ADARB2: variants seen among roughly 807,000 people sequenced by gnomAD.
ADARB2 encodes the protein inactive double-stranded RNA-specific editase B2.
In ADARB2, 25 loss-of-function variants were observed where a neutral mutation model predicts 62.2. The ratio of observed to expected loss-of-function variants is 0.40; its 90% CI spans 0.29 to 0.56. The LOEUF is 0.56. Ranked by LOEUF, ADARB2 falls within the 20% of genes least tolerant of loss-of-function variation. ADARB2 has a pLI of 0.43. For missense variants in ADARB2, 1,071 were observed against 1,077.4 expected (o/e 0.99, Z 0.08); for synonymous variants, 572 against 500.8 (o/e 1.14, Z -1.90).
chr10:1,324,065 CAATT>C (rs376733473), intron 3 of ADARB2, among the ~76,000 whole-genome samples: 57 of 152,252 alleles, frequency 3.7e-4, no homozygotes, highest in Middle Eastern at 3.4e-3. Context: ...CAAAAACAAA[CAATT>C]AAATCAGAAA....
intron 1 of ADARB2, among the ~76,000 whole-genome samples, chr10:1,490,892 C>G (rs956186211): frequency 1.3e-5 from 2 of 152,184 alleles, no homozygotes; most frequent in Non-Finnish European, 2.9e-5. Flanking sequence ...CATACGTCAG[C>G]AGATAGGATG....
chr10:1,593,331 G>GT (rs1833287270), intron 1 of ADARB2, among the ~76,000 whole-genome samples: 1 of 93,288 alleles, frequency 1.1e-5, no homozygotes, highest in Non-Finnish European at 2.2e-5. Context: ...CAGCTCCCCT[G>GT]GCCCAAACCA....
At chr10:1,635,060 G>A (rs1035947084) in intron 1 of ADARB2, among the ~76,000 whole-genome samples, 3 of 152,184 alleles carry the variant, frequency 2.0e-5, no homozygotes, top group African/African-American at 7.2e-5. Context: ...TAAAGTAAGT[G>A]TATTTGTGAA....
chr10:1,476,489 C>G lies in ADARB2; in HGVS notation c.101-97329G>C, dbSNP rs561988447. Among the ~76,000 whole-genome samples, 512 of 152,314 alleles carry G rather than the reference C, an allele frequency of 3.4e-3. 1 individual carries two copies. Among genetic ancestry groups the G allele is most frequent in the Middle Eastern group, 0.01 (3 of 294 alleles). ...GATAAATTCCAGGCTCCTGAAGACG[C>G]CTGGGCTGCCTGATTGACAGCCCAG... On this transcript the variant is annotated intron_variant, in intron 1 of 9. Coordinates refer to ENST00000381312, the MANE Select transcript of ADARB2 (RefSeq NM_018702.4).
chr10:1,433,629 A>G (rs747742880), intron 1 of ADARB2, among the ~76,000 whole-genome samples: 8 of 151,964 alleles, frequency 5.3e-5, no homozygotes, highest in Non-Finnish European at 1.0e-4. Flanking sequence ...ACTTTGTCCA[A>G]CCCTGAGCCT....
At chr10:1,708,862 A>C (rs1834920999) in intron 1 of ADARB2, among the ~76,000 whole-genome samples, 1 of 152,066 alleles carries the variant, frequency 6.6e-6, no homozygotes, top group African/African-American at 2.4e-5. Flanking sequence ...TGCAAGCCAC[A>C]CCTGTGAACA....
At chr10:1,224,794 T>G (rs1830729778) in intron 6 of ADARB2, among the ~76,000 whole-genome samples, 1 of 152,226 alleles carries the variant, frequency 6.6e-6, no homozygotes, top group African/African-American at 2.4e-5. Context: ...TTTGTTATAA[T>G]TTCGGTTCTT....
intron 1 of ADARB2, among the ~76,000 whole-genome samples, chr10:1,651,419 C>T (rs1032751154): frequency 6.6e-6 from 1 of 152,230 alleles, no homozygotes; most frequent in African/African-American, 2.4e-5. Flanking sequence ...CTGCAAGCCA[C>T]ACCGCAGTGG....
chr10:1,627,937 AC>A (rs1246104911), intron 1 of ADARB2, among the ~76,000 whole-genome samples: 1 of 151,892 alleles, frequency 6.6e-6, no homozygotes, highest in African/African-American at 2.4e-5. Flanking sequence ...CCCCAGCATC[AC>A]CCCTCCTCCA....
intron 1 of ADARB2, among the ~76,000 whole-genome samples, chr10:1,515,116 C>T (rs753254819): frequency 1.3e-5 from 2 of 152,064 alleles, no homozygotes; most frequent in Admixed American, 6.5e-5. Context: ...GTTGCAGCAG[C>T]GATAGTGCAA....
chr10:1,554,318 A>T (rs1832670706), intron 1 of ADARB2, among the ~76,000 whole-genome samples: 2 of 152,140 alleles, frequency 1.3e-5, no homozygotes, highest in Non-Finnish European at 2.9e-5. Context: ...GGCCCATGGA[A>T]TCATCTCCTA....
intron 1 of ADARB2, among the ~76,000 whole-genome samples, chr10:1,698,799 G>A (rs1173767546): frequency 2.6e-5 from 4 of 152,218 alleles, no homozygotes; most frequent in Admixed American, 6.5e-5. Context: ...TTGCTCTGTC[G>A]CTCAGGCTGG....
intron 1 of ADARB2, among the ~76,000 whole-genome samples, chr10:1,506,478 C>A (rs950893092): frequency 6.6e-6 from 1 of 152,206 alleles, no homozygotes; most frequent in Non-Finnish European, 1.5e-5. Flanking sequence ...CAAAACTCTG[C>A]AGCGCTTTTC....
rs890049999 is a variant in ADARB2, at chr10:1,306,914, C to T, written c.1078-35845G>A. Reference sequence around the variant, plus strand: ...CTGAAACTGGATCCCTTCCTTACACCTTATACAAAAATCAATTCAAGATGG... The same window carrying T: ...CTGAAACTGGATCCCTTCCTTACACTTTATACAAAAATCAATTCAAGATGG... On this transcript the variant is annotated intron_variant, in intron 3 of 9. Coordinates refer to ENST00000381312, the MANE Select transcript of ADARB2 (RefSeq NM_018702.4). 1.3e-4 allele frequency among the ~76,000 whole-genome samples: 19 copies of T among 145,568 alleles called. 1 individual carries two copies. The highest frequency in any genetic ancestry group is 4.7e-4 in the African/African-American group (19 of 40,288).
intron 1 of ADARB2, among the ~76,000 whole-genome samples, chr10:1,452,504 TGAA>T: frequency 6.6e-6 from 1 of 152,042 alleles, no homozygotes; most frequent in East Asian, 1.9e-4. Context: ...GAGACATGGA[TGAA>T]GCTGGAAACC....
rs77309126 is a variant in ADARB2 at position 1,452,955 on chromosome 10, C to A, written c.101-73795G>T. 8.6e-3 allele frequency among the ~76,000 whole-genome samples: 1,304 copies of A among 152,274 alleles called. 23 individuals carry two copies. Among genetic ancestry groups the A allele is most frequent in the African/African-American group, 0.028 (1,171 of 41,546 alleles). On this transcript the variant is annotated intron_variant, in intron 1 of 9. Transcript: ENST00000381312. Reference sequence around the variant, plus strand: ...TGTCACAATGCATCCTGGTGGGCCGCGCAGAGCCTGGGCCTCAGTGGGGTT... The same window carrying A: ...TGTCACAATGCATCCTGGTGGGCCGAGCAGAGCCTGGGCCTCAGTGGGGTT...
intron 7 of ADARB2, among the ~76,000 whole-genome samples, chr10:1,204,848 G>A (rs1419934178): frequency 6.6e-6 from 1 of 152,214 alleles, no homozygotes; most frequent in Non-Finnish European, 1.5e-5. Context: ...GAAGCTGATG[G>A]ACAGTTCGTC....
intron 1 of ADARB2, among the ~76,000 whole-genome samples, chr10:1,621,420 C>CTTTT (rs575676337): frequency 6.9e-6 from 1 of 144,402 alleles, no homozygotes; most frequent in Admixed American, 6.9e-5. Flanking sequence ...TTCTTTCTTT[C>CTTTT]TTTTTTTTTT....
intron 1 of ADARB2, among the ~76,000 whole-genome samples, chr10:1,702,246 T>C (rs113920748): frequency 3.9e-5 from 6 of 152,370 alleles, no homozygotes; most frequent in African/African-American, 1.4e-4. Flanking sequence ...CTCATCATTG[T>C]AGCACTCTGT....
Sources: allele counts gnomAD v4.1 joint callset (sites outside exome capture counted in the v4.1 genomes callset), GRCh38; gene constraint gnomAD v4.1.1; transcripts MANE v1.5; gene names NCBI Gene and HGNC (gene_info 2026-07-23, HGNC 2026-07-21).